ERG: variants seen among roughly 807,000 people sequenced by gnomAD.
ERG encodes the protein transcriptional regulator ERG.
Under a neutral mutation model 55.3 loss-of-function variants are expected in ERG, and 9 were observed. That is an observed-to-expected ratio of 0.16 (90% CI 0.10 to 0.28). The LOEUF (loss-of-function observed/expected upper bound fraction) is 0.28, where lower values mean the gene tolerates loss of function less well. ERG is among the 10% of genes least tolerant of loss of function. ERG has a pLI of 1.00. For missense variants in ERG, 434 were observed against 631.6 expected (o/e 0.69, Z 3.35); for synonymous variants, 223 against 237.3 (o/e 0.94, Z 0.55).
intron 1 of ERG, among the ~76,000 whole-genome samples, chr21:38,475,542 T>A (rs1027974513): frequency 6.6e-6 from 1 of 152,214 alleles, no homozygotes. Context: ...CTTGGGGTCC[T>A]TGCCTTTGCC....
intron 1 of ERG, chr21:38,660,522 C>CGAGAG (rs2060546651): frequency 6.6e-6 from 1 of 152,042 alleles, no homozygotes; most frequent in African/African-American, 2.4e-5. Flanking sequence ...CTGGACTTAC[C>CGAGAG]GAGAGGTTAG....
At chr21:38,652,253 C>T (rs566456789) in intron 1 of ERG, among the ~76,000 whole-genome samples, 13 of 152,272 alleles carry the variant, frequency 8.5e-5, no homozygotes, top group Admixed American at 7.2e-4. Context: ...CTACCATTCC[C>T]GCCAATCCAG....
Position 38,498,263 on chromosome 21 carries a change from G to T in ERG, c.18+100C>A. Reference sequence around the variant, plus strand: ...TGTTGTCCTCTATTGTGGCAGTGGGGGTGTTGCCCAACCCTAACTTATCTG... The same window carrying T: ...TGTTGTCCTCTATTGTGGCAGTGGGTGTGTTGCCCAACCCTAACTTATCTG... On this transcript the variant is annotated intron_variant, in intron 1 of 9. Transcript: ENST00000288319. This position sits in a 1 kb window ranked among gnomAD's most constrained non-coding sequence, Gnocchi z 4.6. 2 of 974,472 alleles carry T rather than the reference G, an allele frequency of 2.1e-6. No homozygotes were observed. Among genetic ancestry groups the T allele is most frequent in the South Asian group, 1.4e-5 (1 of 72,382 alleles). 60.4% of individuals were successfully genotyped at this position (974,472 alleles called of 1,614,324 possible).
In ERG at chr21:38,580,971, G is replaced by A. The variant is rs1220786238; in HGVS notation, c.-127+3873C>T. 2.6e-5 allele frequency among the ~76,000 whole-genome samples: 4 copies of A among 152,258 alleles called. No homozygotes were observed. The East Asian group carries it at 5.8e-4, about 22-fold the overall frequency. On this transcript the variant is annotated intron_variant, in intron 1 of 8. Coordinates refer to the ERG transcript ENST00000398897. ...GGTTAGGGGATGCATATAGTCACGTGGACATCCCGATCCACATGGCCACAC... is the reference window on the plus strand; with the variant it reads ...GGTTAGGGGATGCATATAGTCACGTAGACATCCCGATCCACATGGCCACAC...
intron 5 of ERG, among the ~76,000 whole-genome samples, chr21:38,401,830 C>T (rs573389320): frequency 3.3e-5 from 5 of 152,168 alleles, no homozygotes; most frequent in Non-Finnish European, 7.4e-5. Context: ...CTGCTGTGAG[C>T]GGGGGGCGAG....
At chr21:38,376,990 G>A (rs144931152), downstream of ERG, among the ~76,000 whole-genome samples, 590 of 152,332 alleles carry the variant, frequency 3.9e-3, 11 homozygotes, top group East Asian at 0.028. Flanking sequence ...ATAAGGGGAG[G>A]GCACTCCATT....
chr21:38,395,642 G>A lies in ERG; in HGVS notation c.746-3198C>T, dbSNP rs546490209. The stretch of plus-strand genomic sequence containing the variant: ...ATAGGCAGCTTGGGTGAACACAGAT[G>A]TACATTACATCACAACAGTATAAAA... On this transcript the variant is annotated intron_variant, in intron 6 of 9. Coordinates refer to ENST00000288319, the MANE Select transcript of ERG (RefSeq NM_182918.4). 6.2e-5 allele frequency: 11 copies of A among 178,834 alleles called. No homozygotes were observed. The South Asian group carries it at 1.4e-3, about 23-fold the overall frequency. 11.1% of individuals were successfully genotyped at this position (178,834 alleles called of 1,614,324 possible). A position where few individuals can be genotyped will look rare whatever the true frequency, so the allele number is the denominator to read the frequency against.
intron 2 of ERG, among the ~76,000 whole-genome samples, chr21:38,546,740 G>A (rs1433668689): frequency 6.6e-6 from 1 of 152,168 alleles, no homozygotes; most frequent in Non-Finnish European, 1.5e-5. Context: ...CTTGTTAGAG[G>A]TATCTGCTCC....
At chr21:38,569,936 A>C (rs1411626832) in intron 2 of ERG, among the ~76,000 whole-genome samples, 1 of 152,088 alleles carries the variant, frequency 6.6e-6, no homozygotes, top group Non-Finnish European at 1.5e-5. Flanking sequence ...TTTATTTTTC[A>C]CTGCTGTATA....
intron 2 of ERG, among the ~76,000 whole-genome samples, chr21:38,526,968 T>C (rs950216215): frequency 6.6e-6 from 1 of 152,166 alleles, no homozygotes; most frequent in Non-Finnish European, 1.5e-5. Flanking sequence ...GGGAGAAAGA[T>C]GATGACTTCC....
intron 2 of ERG, among the ~76,000 whole-genome samples, chr21:38,524,002 A>G (rs772879258): frequency 7.9e-5 from 12 of 152,226 alleles, no homozygotes; most frequent in Non-Finnish European, 1.5e-4. Context: ...AAAGCAGCAG[A>G]ATTATTAAAA....
chr21:38,435,347 G>C (rs77723583), intron 2 of ERG, among the ~76,000 whole-genome samples: 7,873 of 152,230 alleles, frequency 0.052, 665 homozygotes, highest in African/African-American at 0.18. Flanking sequence ...CTGGAGCGCT[G>C]CAGGGTAATT....
intron 1 of ERG, among the ~76,000 whole-genome samples, chr21:38,582,532 A>G (rs1193555194): frequency 6.6e-6 from 1 of 152,224 alleles, no homozygotes; most frequent in Non-Finnish European, 1.5e-5. Flanking sequence ...GTTGGCCTGT[A>G]TCTATTCTAA....
intron 2 of ERG, among the ~76,000 whole-genome samples, chr21:38,436,787 T>C (rs1446549006): frequency 6.6e-6 from 1 of 152,186 alleles, no homozygotes; most frequent in Non-Finnish European, 1.5e-5. Flanking sequence ...TATCTGTTAT[T>C]GCTGGGCCCT....
chr21:38,591,159 C>T (rs547454307), intron 1 of ERG, among the ~76,000 whole-genome samples: 1 of 152,188 alleles, frequency 6.6e-6, no homozygotes, highest in Non-Finnish European at 1.5e-5. Context: ...GAAGGACATT[C>T]AGTAAGATGG....
At chr21:38,494,200 G>A (rs2059361753) in intron 1 of ERG, among the ~76,000 whole-genome samples, 1 of 152,212 alleles carries the variant, frequency 6.6e-6, no homozygotes, top group African/African-American at 2.4e-5. Flanking sequence ...AGGCCAGGGA[G>A]CAGTTGTCCT....
At chr21:38,620,363 T>G (rs145680252) in intron 1 of ERG, among the ~76,000 whole-genome samples, 1 of 152,200 alleles carries the variant, frequency 6.6e-6, no homozygotes, top group Non-Finnish European at 1.5e-5. Context: ...CTCCTACTCA[T>G]GTATGACGGC....
intron 2 of ERG, 99 bp downstream of exon 2, chr21:38,445,304 TA>T: frequency 1.1e-6 from 1 of 934,186 alleles, no homozygotes; most frequent in Non-Finnish European, 1.7e-6. Context: ...CCTTGCTTTC[TA>T]AGTCAATCTT....
rs768868549 is a variant in ERG, at chr21:38,383,194, G to T, written c.*209C>A. The T allele has an allele frequency of 1.1e-5, 14 of 1,278,630 alleles. No individual in the cohort carries two copies. The highest frequency in any genetic ancestry group is 1.4e-5 in the Non-Finnish European group (14 of 1,014,840). 79.2% of individuals were successfully genotyped at this position (1,278,630 alleles called of 1,614,324 possible). On this transcript the variant is annotated 3_prime_UTR_variant, in exon 10 of 10. Transcript: ENST00000288319. This position sits in a 1 kb window ranked among gnomAD's most constrained non-coding sequence, Gnocchi z 5.7. ...GTCCACAGATGATATGTCCATATTC[G>T]TGACATTTTTAGCATCCTCCTCATT...
Sources: gnomAD v4.1 joint callset for allele counts (sites outside exome capture counted in the v4.1 genomes callset) on GRCh38, gnomAD v4.1.1 for gene constraint, Gnocchi (gnomAD v3.1) non-coding constraint, MANE v1.5 for transcripts, NCBI Gene and HGNC (gene_info 2026-07-23, HGNC 2026-07-21) for gene names.